The following DCHS2 variants were observed in gnomAD, a reference collection of about 807,000 sequenced individuals.
DCHS2 encodes the protein protocadherin-23.
A neutral mutation model predicts 182.4 loss-of-function variants in DCHS2; 142 were observed. The observed-to-expected ratio is 0.78, with a 90% CI of 0.68 to 0.89. The LOEUF (loss-of-function observed/expected upper bound fraction) is 0.89. Among genes scored for constraint, DCHS2 ranks in the 40% least tolerant of loss-of-function variants. The probability of loss-of-function intolerance (pLI) is 0.00; values close to 1 mark genes in which losing one functional copy is unlikely to be tolerated. For missense variants in DCHS2, 4,319 were observed against 4,198.6 expected, an observed-to-expected ratio of 1.03 and a Z score of -0.79; for synonymous variants, 1,740 against 1,663.3, an observed-to-expected ratio of 1.05 and a Z score of -1.12.
At chr4:154,242,911 C>G in intron 16 of DCHS2, 139 bp from the exon 17 acceptor site, 1 of 1,273,148 alleles carries the variant, frequency 7.9e-7, no homozygotes, top group Non-Finnish European at 1.0e-6. Flanking sequence ...TTCTAAATGG[C>G]ATCATTTAAA....
In DCHS2 at chr4:154,320,712, G is replaced by A; in HGVS notation, c.4687C>T (p.His1563Tyr). 1.2e-6 allele frequency: 2 copies of A among 1,614,044 alleles called. No individual in the cohort carries two copies. Among genetic ancestry groups the A allele is most frequent in the Non-Finnish European group, 1.7e-6 (2 of 1,180,000 alleles). Reference sequence around the variant, plus strand: ...GTGACTAGTGTGCCAAATGAGGGGTGGATGAGAAATGGATTCGTGCCAGGG... The same window carrying A: ...GTGACTAGTGTGCCAAATGAGGGGTAGATGAGAAATGGATTCGTGCCAGGG... The part of the protein sequence containing the change: ...HNPGTNPFLI[H>Y]PSFGTLVTVS... Residue 1563 changes from histidine to tyrosine, a missense_variant, in exon 9 of 20, where the codon CAC becomes TAC. Transcript: ENST00000357232.
chr4:154,326,843 T>A (rs748876707), intron 7 of DCHS2, among the ~76,000 whole-genome samples: 4 of 152,180 alleles, frequency 2.6e-5, no homozygotes, highest in Admixed American at 6.5e-5. Flanking sequence ...TATTTGGACA[T>A]TGTCTTAGTT....
chr4:154,372,152 C>T (rs1730674841), intron 2 of DCHS2, among the ~76,000 whole-genome samples: 1 of 152,074 alleles, frequency 6.6e-6, no homozygotes, highest in Non-Finnish European at 1.5e-5. Context: ...GATGGGAAAT[C>T]TAAGATATGG....
chr4:154,328,713 T>A (rs533488386), intron 6 of DCHS2, among the ~76,000 whole-genome samples: 1 of 152,358 alleles, frequency 6.6e-6, no homozygotes, highest in African/African-American at 2.4e-5. Context: ...CACAGGACAT[T>A]TTAATGATAT....
intron 2 of DCHS2, among the ~76,000 whole-genome samples, chr4:154,367,498 G>T (rs1388078): frequency 0.97 from 147,421 of 152,246 alleles, 71,541 homozygotes; most frequent in East Asian, 1. Flanking sequence ...CTGCTTTTTT[G>T]GTGTTGCCTC....
At chr4:154,410,161 A>G (rs1732565758) in intron 1 of DCHS2, among the ~76,000 whole-genome samples, 1 of 152,224 alleles carries the variant, frequency 6.6e-6, no homozygotes, top group South Asian at 2.1e-4. Context: ...CTAGTAACTG[A>G]CCCCAAAGAA....
Position 154,489,452 on chromosome 4 carries a change from G to A in DCHS2, c.1904C>T (p.Ala635Val). 2 of 1,551,712 alleles carry A rather than the reference G, an allele frequency of 1.3e-6. No individual in the cohort carries two copies. The highest frequency in any genetic ancestry group is 1.7e-6 in the Non-Finnish European group (2 of 1,147,002). ...GAGTGGGGGCTCTCCGAGGTCCTGG[G>A]CCACCACTTTCAGCTCCACCGCCTC... Reference protein sequence around the residue: ...VQEAVELKVVAQDLGEPPLSA... With the variant: ...VQEAVELKVVVQDLGEPPLSA... The change falls in exon 1 of 20, where the codon GCC becomes GTC. Residue 635 changes from alanine to valine, a missense_variant. Transcript: ENST00000357232.
chr4:154,437,857 G>A (rs980550603), intron 1 of DCHS2, among the ~76,000 whole-genome samples: 1 of 152,052 alleles, frequency 6.6e-6, no homozygotes, highest in African/African-American at 2.4e-5. Flanking sequence ...TTATACAGTA[G>A]AGATTTGAGT....
intron 15 of DCHS2, among the ~76,000 whole-genome samples, chr4:154,258,367 C>CTTTTTTTTTTTTTTTT (rs771510956): frequency 1.2e-4 from 7 of 58,850 alleles, no homozygotes; most frequent in Admixed American, 2.8e-4. Context: ...AAAAGAAAGG[C>CTTTTTTTTTTTTTTTT]TTTTTTTTTT....
chr4:154,341,605 C>CAT (rs113346277), intron 3 of DCHS2, among the ~76,000 whole-genome samples: 7 of 131,524 alleles, frequency 5.3e-5, no homozygotes, highest in East Asian at 4.3e-4. Context: ...CACATACATT[C>CAT]ATATATATAT....
At position 154,459,734 on chromosome 4, in the gene DCHS2, TTCTCTCTCTCTCTCTCTC is replaced by T. The variant is rs60259256; in HGVS notation, c.2052+29552_2052+29569del. Among the ~76,000 whole-genome samples the T allele has an allele frequency of 4.4e-3, 593 of 135,276 alleles. 4 individuals carry two copies. Among genetic ancestry groups the T allele is most frequent in the South Asian group, 0.035 (139 of 3,980 alleles). The allele number at this position is 135,276 out of a possible 152,430, so 88.7% of individuals were successfully genotyped here. The stretch of plus-strand genomic sequence containing the variant: ...CTCTGTCTCCAGCAGTATCTACACA[TTCTCTCTCTCTCTCTCTC>T]TCTCTCTCTCTCTCTCTCTCTCTCT... On this transcript the variant is annotated intron_variant, in intron 1 of 19. Coordinates refer to ENST00000357232, the MANE Select transcript of DCHS2 (RefSeq NM_001358235.2).
At chr4:154,268,611 A>G (rs1339423304) in intron 14 of DCHS2, among the ~76,000 whole-genome samples, 1 of 152,174 alleles carries the variant, frequency 6.6e-6, no homozygotes, top group Admixed American at 6.5e-5. Context: ...AGAAAAAGAA[A>G]CTAAGGATAA....
chr4:154,304,873 C>A lies in DCHS2; in HGVS notation c.5401G>T (p.Val1801Leu). ...AATGAAGGGAATCCCCCATCTCGTACTAGTACTGACACAGAACACAAAGAC... is the reference window on the plus strand; with the variant it reads ...AATGAAGGGAATCCCCCATCTCGTAATAGTACTGACACAGAACACAAAGAC... ...IQEVFTLRVL[V>L]RDGGFPSLSS... Residue 1801 changes from valine to leucine, a missense_variant, in exon 12 of 20, where the codon GTA (valine) becomes TTA (leucine). Val to Leu is a conservative substitution (Grantham distance 32). Transcript: ENST00000357232. 6.2e-7 allele frequency: 1 copy of A among 1,608,110 alleles called. No individual in the cohort carries two copies. Among genetic ancestry groups the A allele is most frequent in the Non-Finnish European group, 8.5e-7 (1 of 1,177,232 alleles).
chr4:154,247,488 A>G (rs1348307796), intron 16 of DCHS2, among the ~76,000 whole-genome samples: 1 of 151,832 alleles, frequency 6.6e-6, no homozygotes, highest in East Asian at 1.9e-4. Context: ...CTAAAAATAT[A>G]AAAATTAGCT....
intron 1 of DCHS2, among the ~76,000 whole-genome samples, chr4:154,403,471 G>A (rs1057038773): frequency 2.6e-5 from 4 of 151,720 alleles, no homozygotes; most frequent in Non-Finnish European, 5.9e-5. Context: ...TTCAAATGTT[G>A]AACCACTTAT....
At chr4:154,379,775 A>C (rs1238877448) in intron 1 of DCHS2, among the ~76,000 whole-genome samples, 1 of 152,204 alleles carries the variant, frequency 6.6e-6, no homozygotes, top group Non-Finnish European at 1.5e-5. Flanking sequence ...ATAAAGCTTC[A>C]TCCTGACAAC....
intron 1 of DCHS2, among the ~76,000 whole-genome samples, chr4:154,390,606 C>A (rs1731654966): frequency 6.6e-6 from 1 of 152,000 alleles, no homozygotes; most frequent in Non-Finnish European, 1.5e-5. Context: ...AGTTATGACG[C>A]CTACTTTCCC....
intron 10 of DCHS2, among the ~76,000 whole-genome samples, chr4:154,311,466 T>G: frequency 6.6e-6 from 1 of 152,034 alleles, no homozygotes; most frequent in East Asian, 1.9e-4. Flanking sequence ...AACTCCTGGC[T>G]TCAAGCAATC....
At chr4:154,391,748 T>G (rs1259419542) in intron 1 of DCHS2, among the ~76,000 whole-genome samples, 1 of 151,976 alleles carries the variant, frequency 6.6e-6, no homozygotes, top group Non-Finnish European at 1.5e-5. Context: ...AACAAGATAT[T>G]TTTCTCCCTG....
Sources: gnomAD v4.1 joint callset for allele counts (sites outside exome capture counted in the v4.1 genomes callset) on GRCh38, gnomAD v4.1.1 for gene constraint, MANE v1.5 for transcripts, NCBI Gene and HGNC (gene_info 2026-07-23, HGNC 2026-07-21) for gene names.